ANXA4: variants seen among roughly 807,000 people sequenced by gnomAD.
ANXA4 encodes the protein annexin A4, also known as 35-beta calcimedin.
ANXA4 carries 39 observed loss-of-function variants against 49.8 expected under a neutral mutation model. The ratio of observed to expected loss-of-function variants is 0.78; its 90% confidence interval spans 0.61 to 1.02. The LOEUF (loss-of-function observed/expected upper bound fraction) is 1.02. ANXA4 is among the 50% of genes least tolerant of loss of function. The pLI, the probability that ANXA4 is intolerant of heterozygous loss-of-function variation, is 0.00. For synonymous variants in ANXA4, 134 were observed against 152.5 expected (o/e 0.88, Z 0.89); for missense variants, 360 against 410.1 (o/e 0.88, Z 1.05).
chr2:69,750,243 A>G (rs1181384085), intron 1 of ANXA4, among the ~76,000 whole-genome samples: 7 of 152,186 alleles, frequency 4.6e-5, no homozygotes, highest in Non-Finnish European at 1.0e-4. Flanking sequence ...ATTCGATCAT[A>G]TACTTCCTTA....
chr2:69,739,384 A>T (rs1051610554), upstream of ANXA4, among the ~76,000 whole-genome samples: 2 of 151,270 alleles, frequency 1.3e-5, no homozygotes, highest in Admixed American at 1.3e-4. Context: ...TGAGATTTTT[A>T]ATTTTTTTTT....
chr2:69,687,890 T>C lies in ANXA4; in HGVS notation n.767-32884T>C, dbSNP rs556857859. On this transcript the variant is annotated intron_variant and non_coding_transcript_variant, in intron 2 of 3. Transcript: ENST00000418066. ...TTCTTGTGGAACAAATGCCTGAACA[T>C]ATCATTGAGTCCATAAACACGTCAG... Among the ~76,000 whole-genome samples, 13 of 152,334 alleles carry C rather than the reference T, an allele frequency of 8.5e-5. No individual in the cohort carries two copies. In the East Asian group the frequency reaches 2.3e-3, roughly 27 times the overall value.
chr2:69,718,266 C>A (rs1207499970), intron 2 of ANXA4, among the ~76,000 whole-genome samples: 1 of 152,090 alleles, frequency 6.6e-6, no homozygotes, highest in Non-Finnish European at 1.5e-5. Context: ...AAAGGTCCCC[C>A]CAGCTGGTCA....
intron 3 of ANXA4, among the ~76,000 whole-genome samples, chr2:69,800,946 C>T (rs746309633): frequency 6.6e-6 from 1 of 152,056 alleles, no homozygotes; most frequent in Non-Finnish European, 1.5e-5. Context: ...TACCAATTCA[C>T]GGTGAAATGC....
At chr2:69,694,955 CA>C (rs1360792451) in intron 2 of ANXA4, among the ~76,000 whole-genome samples, 1 of 151,948 alleles carries the variant, frequency 6.6e-6, no homozygotes, top group Non-Finnish European at 1.5e-5. Context: ...CCAGCCTAGG[CA>C]ACATGGCGAA....
intron 7 of ANXA4, among the ~76,000 whole-genome samples, 153 bp from the exon 8 acceptor site, chr2:69,812,500 G>A (rs1232987535): frequency 1.3e-5 from 2 of 152,194 alleles, no homozygotes; most frequent in Non-Finnish European, 2.9e-5. Flanking sequence ...TAATGCGAGC[G>A]CATTTAGAGG....
intron 1 of ANXA4, among the ~76,000 whole-genome samples, chr2:69,749,346 G>A (rs1448459984): frequency 6.6e-6 from 1 of 152,180 alleles, no homozygotes; most frequent in African/African-American, 2.4e-5. Context: ...TTGAGAGACA[G>A]GAGGTAGGAG....
At chr2:69,786,552 T>C (rs2103693148) in intron 2 of ANXA4, among the ~76,000 whole-genome samples, 1 of 152,334 alleles carries the variant, frequency 6.6e-6, no homozygotes, top group South Asian at 2.1e-4. Context: ...AAGGGCTGCC[T>C]TGCTCTGGCC....
At chr2:69,661,761 T>C (rs1676731549) in intron 2 of ANXA4, among the ~76,000 whole-genome samples, 1 of 151,906 alleles carries the variant, frequency 6.6e-6, no homozygotes, top group Admixed American at 6.6e-5. Flanking sequence ...GAGTTTTTTT[T>C]GCACTGGATA....
chr2:69,665,377 T>C (rs918422735), intron 2 of ANXA4, among the ~76,000 whole-genome samples: 5 of 152,114 alleles, frequency 3.3e-5, no homozygotes, highest in Non-Finnish European at 5.9e-5. Context: ...ACTCCAGCAT[T>C]ATCCCTGTCT....
At chr2:69,786,391 G>T (rs1314358387) in intron 2 of ANXA4, among the ~76,000 whole-genome samples, 1 of 152,056 alleles carries the variant, frequency 6.6e-6, no homozygotes, top group Non-Finnish European at 1.5e-5. Flanking sequence ...CTTGGCCCAG[G>T]CTCTCAAATG....
chr2:69,702,970 G>A (rs1042097561), intron 2 of ANXA4, among the ~76,000 whole-genome samples: 10 of 151,984 alleles, frequency 6.6e-5, no homozygotes, highest in African/African-American at 2.4e-4. Context: ...TTTTCTTCTA[G>A]CATTTATTTT....
chr2:69,658,117 G>A (rs906891047), intron 2 of ANXA4, among the ~76,000 whole-genome samples: 1 of 152,050 alleles, frequency 6.6e-6, no homozygotes, highest in African/African-American at 2.4e-5. Context: ...AAAAAAATAG[G>A]CGGGGCACAG....
chr2:69,678,168 A>G (rs374636517), intron 2 of ANXA4, among the ~76,000 whole-genome samples: 6 of 152,264 alleles, frequency 3.9e-5, no homozygotes, highest in Middle Eastern at 3.4e-3. Flanking sequence ...TTTTGCCCCT[A>G]TGACATTTAG....
At chr2:69,728,628 T>G (rs2312548) in intron 3 of ANXA4, among the ~76,000 whole-genome samples, 91,320 of 152,038 alleles carry the variant, frequency 0.6, 28,028 homozygotes, top group East Asian at 0.71. Flanking sequence ...GAAAAGTCTG[T>G]CTTTTCCTCA....
chr2:69,655,923 G>T (rs1389348630), intron 2 of ANXA4, among the ~76,000 whole-genome samples: 2 of 151,946 alleles, frequency 1.3e-5, no homozygotes, highest in Non-Finnish European at 2.9e-5. Context: ...ACTAACACAG[G>T]AACAGAAAAC....
chr2:69,789,662 A>G (rs1363388036), intron 3 of ANXA4, among the ~76,000 whole-genome samples: 1 of 152,110 alleles, frequency 6.6e-6, no homozygotes, highest in Non-Finnish European at 1.5e-5. Flanking sequence ...TAAATGGGCT[A>G]CTGAGGAGGG....
At chr2:69,723,382 C>CA (rs916148233) in intron 3 of ANXA4, among the ~76,000 whole-genome samples, 23 of 151,592 alleles carry the variant, frequency 1.5e-4, no homozygotes, top group African/African-American at 5.3e-4. Context: ...CAGAAGGCTT[C>CA]AAAAAAAAGA....
In ANXA4 at chr2:69,804,413, G is replaced by A; in HGVS notation, c.98-120G>A. The A allele has an allele frequency of 3.7e-6, 3 of 818,518 alleles. 1 individual carries two copies. The Admixed American group carries it at 7.5e-5, about 20-fold the overall frequency. 50.7% of individuals were successfully genotyped at this position (818,518 alleles called of 1,614,324 possible). On this transcript the variant is annotated intron_variant, in intron 3 of 12. Transcript: ENST00000394295. ...AAAGTAGACAAACCCTCTGAATAAG[G>A]GCCTCTTTTCTTAGAAAGCCCTCTG... is the stretch of plus-strand genomic sequence containing the variant.
Sources: gnomAD v4.1 joint callset for allele counts (sites outside exome capture counted in the v4.1 genomes callset) on GRCh38, gnomAD v4.1.1 for gene constraint, MANE v1.5 for transcripts, NCBI Gene and HGNC (gene_info 2026-07-23, HGNC 2026-07-21) for gene names.